FHIT: variants seen among roughly 807,000 people sequenced by gnomAD.
FHIT encodes the protein fragile histidine triad diadenosine triphosphatase, also known as bis(5'-adenosyl)-triphosphatase.
FHIT carries 19 observed loss-of-function variants against 17.9 expected under a neutral mutation model. The ratio of observed to expected loss-of-function variants is 1.06; its 90% CI spans 0.74 to 1.56. The LOEUF (loss-of-function observed/expected upper bound fraction) is 1.56, where lower values mean the gene tolerates loss of function less well. Ranked by LOEUF, FHIT falls within the 40% of genes most tolerant of loss-of-function variation. The pLI is 0.00. For missense variants in FHIT, 248 were observed against 189.2 expected (o/e 1.31, Z -1.82); for synonymous variants, 81 against 69.7 (o/e 1.16, Z -0.81).
At chr3:60,018,663 C>A (rs1335448702) in intron 5 of FHIT, among the ~76,000 whole-genome samples, 1 of 152,094 alleles carries the variant, frequency 6.6e-6, no homozygotes, top group Non-Finnish European at 1.5e-5. Context: ...AATAAACTAC[C>A]CCAAATCATA....
At chr3:60,667,841 T>C (rs546784966) in intron 4 of FHIT, among the ~76,000 whole-genome samples, 2 of 152,094 alleles carry the variant, frequency 1.3e-5, no homozygotes, top group African/African-American at 4.8e-5. Flanking sequence ...GACTTTGAGG[T>C]GTTATTTTGT....
intron 3 of FHIT, among the ~76,000 whole-genome samples, chr3:60,996,312 T>A (rs1381302499): frequency 1.3e-5 from 2 of 152,182 alleles, no homozygotes; most frequent in Admixed American, 1.3e-4. Flanking sequence ...GTTCTAGATA[T>A]GTGCTCCTCT....
chr3:60,950,963 A>G (rs1407952516), intron 3 of FHIT, among the ~76,000 whole-genome samples: 1 of 152,214 alleles, frequency 6.6e-6, no homozygotes, highest in Non-Finnish European at 1.5e-5. Flanking sequence ...AAGACAAAAA[A>G]ATAACACGCT....
chr3:60,494,120 A>G (rs2034188090), intron 5 of FHIT, among the ~76,000 whole-genome samples: 1 of 152,168 alleles, frequency 6.6e-6, no homozygotes, highest in African/African-American at 2.4e-5. Flanking sequence ...TTGTACATTC[A>G]CAATGTCATG....
chr3:60,530,065 G>A (rs1456663661), intron 5 of FHIT, among the ~76,000 whole-genome samples: 2 of 152,136 alleles, frequency 1.3e-5, no homozygotes, highest in Non-Finnish European at 2.9e-5. Context: ...AATCAGGTCA[G>A]GCCAGCCCAC....
intron 5 of FHIT, among the ~76,000 whole-genome samples, chr3:60,490,826 G>C (rs1205076719): frequency 1.3e-5 from 2 of 152,154 alleles, no homozygotes; most frequent in African/African-American, 4.8e-5. Context: ...AGGGTAGATA[G>C]TAGCATCATG....
chr3:60,640,100 T>TA (rs1402435263), intron 4 of FHIT, among the ~76,000 whole-genome samples: 2 of 152,006 alleles, frequency 1.3e-5, no homozygotes, highest in African/African-American at 4.8e-5. Flanking sequence ...TGACAGAAAA[T>TA]AAAATCAACG....
chr3:60,185,128 G>T (rs1326477667), intron 5 of FHIT, among the ~76,000 whole-genome samples: 2 of 152,166 alleles, frequency 1.3e-5, no homozygotes, highest in South Asian at 2.1e-4. Flanking sequence ...AAAGATCTGG[G>T]TGTTAGGTGT....
At chr3:60,284,110 G>A (rs1407540839) in intron 5 of FHIT, among the ~76,000 whole-genome samples, 1 of 151,982 alleles carries the variant, frequency 6.6e-6, no homozygotes, top group Non-Finnish European at 1.5e-5. Context: ...TCAATAAGAA[G>A]GAAGAAGAAC....
intron 8 of FHIT, among the ~76,000 whole-genome samples, chr3:59,909,842 T>C (rs1293570568): frequency 1.3e-5 from 2 of 152,202 alleles, no homozygotes; most frequent in African/African-American, 2.4e-5. Context: ...TCCTTCACAT[T>C]ATCAAATTAT....
chr3:60,086,567 T>C (rs1368732923), intron 5 of FHIT, among the ~76,000 whole-genome samples: 2 of 152,156 alleles, frequency 1.3e-5, no homozygotes, highest in African/African-American at 4.8e-5. Context: ...CATACAATGG[T>C]TTCATGGGCA....
intron 7 of FHIT, among the ~76,000 whole-genome samples, chr3:59,983,147 C>T (rs1226761286): frequency 6.6e-6 from 1 of 151,988 alleles, no homozygotes. Context: ...CTACGTTGCC[C>T]AGGCTGGCCT....
intron 7 of FHIT, among the ~76,000 whole-genome samples, chr3:60,004,473 A>T (rs534907371): frequency 6.6e-6 from 1 of 152,302 alleles, no homozygotes; most frequent in Admixed American, 6.5e-5. Flanking sequence ...ATTTAGGTTA[A>T]GCTTCACCTG....
At chr3:61,021,108 A>G (rs1443158731) in intron 3 of FHIT, among the ~76,000 whole-genome samples, 2 of 152,168 alleles carry the variant, frequency 1.3e-5, no homozygotes, top group Non-Finnish European at 2.9e-5. Flanking sequence ...CCCACTGTCA[A>G]TATTAGATCA....
intron 4 of FHIT, among the ~76,000 whole-genome samples, chr3:60,573,261 C>T (rs1481094412): frequency 2.6e-5 from 4 of 152,136 alleles, no homozygotes; most frequent in African/African-American, 9.7e-5. Flanking sequence ...GATCAAACGT[C>T]CCCTCTGAGG....
At chr3:60,335,904 A>T (rs1710215990) in intron 5 of FHIT, among the ~76,000 whole-genome samples, 1 of 152,164 alleles carries the variant, frequency 6.6e-6, no homozygotes, top group Non-Finnish European at 1.5e-5. Flanking sequence ...AAATACATTA[A>T]ATTACCAATT....
At chr3:60,325,883 A>G (rs1014286594) in intron 5 of FHIT, among the ~76,000 whole-genome samples, 2 of 152,288 alleles carry the variant, frequency 1.3e-5, no homozygotes, top group South Asian at 2.1e-4. Flanking sequence ...GGACTACACA[A>G]TTGTTCTTGA....
intron 7 of FHIT, among the ~76,000 whole-genome samples, chr3:59,935,686 G>A (rs1488352173): frequency 6.6e-6 from 1 of 151,784 alleles, no homozygotes; most frequent in African/African-American, 2.4e-5. Flanking sequence ...TGGATGGGTG[G>A]ATGGATGAAT....
In FHIT at chr3:60,291,583, G is replaced by A. The variant is rs533472242; in HGVS notation, c.103+245277C>T. On this transcript the variant is annotated intron_variant, in intron 5 of 9. Coordinates refer to ENST00000492590, the MANE Select transcript of FHIT (RefSeq NM_002012.4). ...GCTTGCTTATTTATGTTTTCAGCTCGATTTTTCAGGCTGCTCTTTGGTAGG... is the reference window on the plus strand; with the variant it reads ...GCTTGCTTATTTATGTTTTCAGCTCAATTTTTCAGGCTGCTCTTTGGTAGG... 1.7e-4 allele frequency among the ~76,000 whole-genome samples: 26 copies of A among 152,242 alleles called. No individual in the cohort carries two copies. The East Asian group carries it at 4.1e-3, about 24-fold the overall frequency.
Sources: gnomAD v4.1 joint callset for allele counts (sites outside exome capture counted in the v4.1 genomes callset) on GRCh38, gnomAD v4.1.1 for gene constraint, MANE v1.5 for transcripts, NCBI Gene and HGNC (gene_info 2026-07-23, HGNC 2026-07-21) for gene names.